THSD7A: variants seen among roughly 807,000 people sequenced by gnomAD.
The protein encoded by THSD7A is thrombospondin type 1 domain containing 7A.
THSD7A carries 96 observed loss-of-function variants against 231.3 expected under a neutral mutation model. The ratio of observed to expected loss-of-function variants is 0.41; its 90% CI spans 0.35 to 0.49. THSD7A has a LOEUF of 0.49. Ranked by LOEUF, THSD7A falls within the 20% of genes least tolerant of loss-of-function variation. The pLI, the probability that THSD7A is intolerant of heterozygous loss-of-function variation, is 0.05. For synonymous variants in THSD7A, 940 were observed against 743.3 expected (o/e 1.26, Z -4.30); for missense variants, 2,290 against 2,070.2 (o/e 1.11, Z -2.06).
chr7:11,733,230 T>A (rs1781797572), intron 1 of THSD7A, among the ~76,000 whole-genome samples: 1 of 151,860 alleles, frequency 6.6e-6, no homozygotes, highest in Non-Finnish European at 1.5e-5. Flanking sequence ...TACATACTCA[T>A]GGACTGTAAG....
rs1004555210 is a variant in THSD7A, at chr7:11,372,285, T to G, written c.*3509A>C. 4 of 152,000 alleles carry G rather than the reference T, an allele frequency of 2.6e-5. No individual in the cohort carries two copies. Among genetic ancestry groups the G allele is most frequent in the African/African-American group, 4.8e-5 (2 of 41,396 alleles). The allele number at this position is 152,000 out of a possible 1,614,324, so 9.4% of individuals were successfully genotyped here. A position where few individuals can be genotyped will look rare whatever the true frequency, so the allele number is the denominator to read the frequency against. ...GCTATCTTCACTCATTAAGCATTTT[T>G]TCCTTCTTTTGGATGTCTGTCTTAA... On this transcript the variant is annotated 3_prime_UTR_variant, in exon 28 of 28. Coordinates refer to ENST00000423059, the MANE Select transcript of THSD7A (RefSeq NM_015204.3).
At chr7:11,496,374 G>A (rs895316080) in intron 6 of THSD7A, among the ~76,000 whole-genome samples, 1 of 152,136 alleles carries the variant, frequency 6.6e-6, no homozygotes, top group African/African-American at 2.4e-5. Context: ...ACTATTGTAT[G>A]TGGCAAGAAA....
intron 4 of THSD7A, among the ~76,000 whole-genome samples, chr7:11,558,882 G>A (rs924946614): frequency 2.0e-5 from 3 of 152,142 alleles, no homozygotes; most frequent in Non-Finnish European, 4.4e-5. Context: ...ACTTGAGATG[G>A]GGAAAGTAAC....
At chr7:11,627,356 T>C (rs1781506419) in intron 2 of THSD7A, among the ~76,000 whole-genome samples, 1 of 152,058 alleles carries the variant, frequency 6.6e-6, no homozygotes, top group African/African-American at 2.4e-5. Context: ...AATATATATG[T>C]GTTGGTATAT....
In THSD7A at chr7:11,770,452, T is replaced by A. The variant is rs1463886896; in HGVS notation, c.190+61305A>T. Reference sequence around the variant, plus strand: ...TTTTCTGTTTATCTAAAGTCAAGAGTATAGTTTAAAGAGCAAGGTTAATTC... The same window carrying A: ...TTTTCTGTTTATCTAAAGTCAAGAGAATAGTTTAAAGAGCAAGGTTAATTC... On this transcript the variant is annotated intron_variant, in intron 1 of 27. Transcript: ENST00000423059. 2.0e-5 allele frequency among the ~76,000 whole-genome samples: 3 copies of A among 152,104 alleles called. No homozygotes were observed. The East Asian group carries it at 5.8e-4, about 29-fold the overall frequency.
intron 1 of THSD7A, among the ~76,000 whole-genome samples, chr7:11,818,706 T>C (rs1432137808): frequency 1.3e-5 from 2 of 152,200 alleles, no homozygotes; most frequent in Admixed American, 6.5e-5. Context: ...ACAGGAGGTA[T>C]GTATTACACT....
intron 6 of THSD7A, among the ~76,000 whole-genome samples, chr7:11,485,685 T>C (rs1056673750): frequency 1.3e-5 from 2 of 152,180 alleles, no homozygotes; most frequent in Non-Finnish European, 2.9e-5. Flanking sequence ...TAGATTGGGG[T>C]TCTTCTTGGT....
chr7:11,402,976 T>C (rs1783457912), intron 22 of THSD7A, among the ~76,000 whole-genome samples: 1 of 152,124 alleles, frequency 6.6e-6, no homozygotes, highest in Non-Finnish European at 1.5e-5. Flanking sequence ...TACCTAGGAG[T>C]GCAATTGCTG....
At chr7:11,745,921 A>T (rs1434429618) in intron 1 of THSD7A, among the ~76,000 whole-genome samples, 1 of 150,518 alleles carries the variant, frequency 6.6e-6, no homozygotes, top group African/African-American at 2.4e-5. Flanking sequence ...TTGACTTGGC[A>T]ATGCAGGCTC....
At chr7:11,615,887 T>C (rs1314759196) in intron 2 of THSD7A, among the ~76,000 whole-genome samples, 2 of 152,178 alleles carry the variant, frequency 1.3e-5, no homozygotes, top group Non-Finnish European at 2.9e-5. Context: ...GGAAACACAC[T>C]CAGATTTAGA....
At chr7:11,766,766 G>C (rs114415777) in intron 1 of THSD7A, among the ~76,000 whole-genome samples, 2,817 of 152,260 alleles carry the variant, frequency 0.019, 100 homozygotes, top group African/African-American at 0.065. Context: ...AGAGGACTCA[G>C]ATTGGTGGAG....
chr7:11,716,061 A>C (rs1053454208), intron 1 of THSD7A, among the ~76,000 whole-genome samples: 1 of 151,540 alleles, frequency 6.6e-6, no homozygotes, highest in Non-Finnish European at 1.5e-5. Flanking sequence ...AGAGAGGAAC[A>C]TTCCTGACAG....
intron 2 of THSD7A, among the ~76,000 whole-genome samples, chr7:11,609,150 C>T (rs1014796080): frequency 1.3e-5 from 2 of 152,114 alleles, no homozygotes; most frequent in African/African-American, 4.8e-5. Context: ...AGAACCTACA[C>T]TGTCTGGCTC....
chr7:11,409,482 G>GTTAT (rs1164230156), intron 19 of THSD7A, among the ~76,000 whole-genome samples: 1 of 152,174 alleles, frequency 6.6e-6, no homozygotes, highest in Non-Finnish European at 1.5e-5. Context: ...ATTAAAATTA[G>GTTAT]TTATTTCCCA....
intron 23 of THSD7A, among the ~76,000 whole-genome samples, chr7:11,400,917 G>A (rs80341250): frequency 0.013 from 1,974 of 152,162 alleles, 18 homozygotes; most frequent in Non-Finnish European, 0.02. Context: ...TTTTGTTTTC[G>A]AGTCTTCGGG....
chr7:11,552,347 C>G (rs1189291554), intron 4 of THSD7A, among the ~76,000 whole-genome samples: 1 of 152,044 alleles, frequency 6.6e-6, no homozygotes, highest in African/African-American at 2.4e-5. Flanking sequence ...CTCCCAACCC[C>G]TAATTTAAAC....
At position 11,729,590 on chromosome 7, in the gene THSD7A, T is replaced by C. The variant is rs535342012; in HGVS notation, c.191-92629A>G. 1.4e-4 allele frequency among the ~76,000 whole-genome samples: 21 copies of C among 151,932 alleles called. No individual in the cohort carries two copies. In the South Asian group the frequency reaches 2.7e-3, roughly 19 times the overall value. On this transcript the variant is annotated intron_variant, in intron 1 of 27. Transcript: ENST00000423059. ...ATAGTGGCAGTGAACACAAGCATCATTTATACTACAGGTTGTTTTGTTGGT... is the reference window on the plus strand; with the variant it reads ...ATAGTGGCAGTGAACACAAGCATCACTTATACTACAGGTTGTTTTGTTGGT...
chr7:11,472,974 T>C (rs1365960069), intron 8 of THSD7A, among the ~76,000 whole-genome samples: 5 of 152,316 alleles, frequency 3.3e-5, no homozygotes, highest in African/African-American at 7.2e-5. Flanking sequence ...TTACCACTTT[T>C]GAATTTTAAT....
chr7:11,674,911 C>A (rs1188286730), intron 1 of THSD7A, among the ~76,000 whole-genome samples: 1 of 152,032 alleles, frequency 6.6e-6, no homozygotes, highest in South Asian at 2.1e-4. Flanking sequence ...TCCAATGAAG[C>A]CATAAAACCC....
Sources: gnomAD v4.1 joint callset for allele counts (sites outside exome capture counted in the v4.1 genomes callset) on GRCh38, gnomAD v4.1.1 for gene constraint, MANE v1.5 for transcripts, NCBI Gene and HGNC (gene_info 2026-07-23, HGNC 2026-07-21) for gene names.